Variants in HP1BP3 observed in about 807,000 individuals in gnomAD.
HP1BP3 encodes heterochromatin protein 1-binding protein 3.
A neutral mutation model predicts 62.5 loss-of-function variants in HP1BP3; 12 were observed. The ratio of observed to expected loss-of-function variants is 0.19; its 90% CI spans 0.12 to 0.31. HP1BP3 has a LOEUF of 0.31. HP1BP3 is among the 10% of genes least tolerant of loss of function. The pLI, the probability that HP1BP3 is intolerant of heterozygous loss-of-function variation, is 1.00. For synonymous variants in HP1BP3, 260 were observed against 237.8 expected, an observed-to-expected ratio of 1.09 and a Z score of -0.86; for missense variants, 502 against 651.8, an observed-to-expected ratio of 0.77 and a Z score of 2.50.
At chr1:20,762,458 T>C (rs910668106) in intron 8 of HP1BP3, among the ~76,000 whole-genome samples, 3 of 151,902 alleles carry the variant, frequency 2.0e-5, no homozygotes, top group African/African-American at 7.3e-5. Context: ...AAGCAGAGAA[T>C]AAAGGCTGTG....
chr1:20,770,252 T>C (rs1440305357), intron 6 of HP1BP3, among the ~76,000 whole-genome samples: 2 of 152,180 alleles, frequency 1.3e-5, no homozygotes, highest in African/African-American at 4.8e-5. Flanking sequence ...TAAAAATTAA[T>C]AGTAACAAGT....
chr1:20,773,265 A>G, intron 5 of HP1BP3, among the ~76,000 whole-genome samples, 186 bp downstream of exon 5: 1 of 151,924 alleles, frequency 6.6e-6, no homozygotes. Flanking sequence ...TTTTAAAAAA[A>G]TTAACAGTGT....
rs1256901305 is a variant in HP1BP3 at position 20,740,310 on chromosome 1, A to G, written c.*4487T>C. Among the ~76,000 whole-genome samples the G allele has an allele frequency of 6.6e-6, 1 of 152,178 alleles. No individual in the cohort carries two copies. The highest frequency in any genetic ancestry group is 1.5e-5 in the Non-Finnish European group (1 of 68,034). ...GATTTAATAGTGAACAGTGTTAATTATACATTATATACAATATCAGGAAAA... is the reference window on the plus strand; with the variant it reads ...GATTTAATAGTGAACAGTGTTAATTGTACATTATATACAATATCAGGAAAA... On this transcript the variant is annotated 3_prime_UTR_variant, in exon 13 of 13. Coordinates refer to ENST00000438032, the MANE Select transcript of HP1BP3 (RefSeq NM_001372052.1).
chr1:20,764,505 A>G (rs931261105), intron 8 of HP1BP3, among the ~76,000 whole-genome samples: 1 of 151,170 alleles, frequency 6.6e-6, no homozygotes, highest in African/African-American at 2.4e-5. Context: ...CACCACAGCC[A>G]GCCTAGTTTT....
Position 20,783,374 on chromosome 1 carries a change from C to T in HP1BP3, c.-100-2834G>A, listed in dbSNP as rs557801630. Reference sequence around the variant, plus strand: ...TCTCTACTAAAAACACAAAAGTTAGCCAGGCGCTGTGGTGTACACCTGTAG... The same window carrying T: ...TCTCTACTAAAAACACAAAAGTTAGTCAGGCGCTGTGGTGTACACCTGTAG... On this transcript the variant is annotated intron_variant, in intron 1 of 12. Transcript: ENST00000438032. Among the ~76,000 whole-genome samples, 5 of 151,982 alleles carry T rather than the reference C, an allele frequency of 3.3e-5. No individual in the cohort carries two copies. The South Asian group carries it at 1.0e-3, about 32-fold the overall frequency.
intron 8 of HP1BP3, among the ~76,000 whole-genome samples, chr1:20,758,152 A>T (rs1174243654): frequency 6.6e-6 from 1 of 152,178 alleles, no homozygotes; most frequent in Non-Finnish European, 1.5e-5. Context: ...TCTCAAAAAT[A>T]AAAAATAAAA....
chr1:20,785,718 C>T (rs905118949), intron 1 of HP1BP3, among the ~76,000 whole-genome samples: 6 of 152,212 alleles, frequency 3.9e-5, no homozygotes, highest in African/African-American at 1.2e-4. Flanking sequence ...CCACTAACTT[C>T]CAGCCCTACA....
At chr1:20,748,691 G>A (rs1199253041) in intron 10 of HP1BP3, among the ~76,000 whole-genome samples, 1 of 152,090 alleles carries the variant, frequency 6.6e-6, no homozygotes, top group Admixed American at 6.6e-5. Context: ...ACCCAGGGGA[G>A]GCGGAGCTTG....
chr1:20,752,488 C>T (rs1233779734), intron 9 of HP1BP3, among the ~76,000 whole-genome samples: 1 of 151,864 alleles, frequency 6.6e-6, no homozygotes, highest in Non-Finnish European at 1.5e-5. Context: ...GATGGGGTTT[C>T]ACCATGTTGG....
intron 9 of HP1BP3, 63 bp downstream of exon 9, chr1:20,757,103 G>A: frequency 1.0e-6 from 1 of 961,260 alleles, no homozygotes; most frequent in Non-Finnish European, 1.7e-6. Context: ...TACAGTATAA[G>A]GAGGTCCTGA....
chr1:20,745,014 T>G lies in HP1BP3; in HGVS notation c.1445A>C (p.Lys482Thr). ...VKQRGSKPAP[K>T]VSAAQRGKAR... ...TTTCCCCCGCTGGGCAGCTGAGACT[T>G]TAGGTGCAGGTTTGGACCCTCTCTG... Residue 482 changes from lysine (K) to threonine (T), a missense_variant, in exon 13 of 13, where the codon AAA becomes ACA. Lys to Thr is a moderately conservative substitution (Grantham distance 78). Coordinates refer to ENST00000438032, the MANE Select transcript of HP1BP3 (RefSeq NM_001372052.1). 1.2e-6 allele frequency: 2 copies of G among 1,614,158 alleles called. No individual in the cohort carries two copies. Among genetic ancestry groups the G allele is most frequent in the African/African-American group, 2.7e-5 (2 of 75,052 alleles).
chr1:20,747,093 T>A (rs969144368), intron 11 of HP1BP3, among the ~76,000 whole-genome samples: 1 of 152,174 alleles, frequency 6.6e-6, no homozygotes, highest in Non-Finnish European at 1.5e-5. Context: ...GGAATGAACA[T>A]CAAAATGACC....
Position 20,740,432 on chromosome 1 carries a change from C to G in HP1BP3, c.*4365G>C, listed in dbSNP as rs1476239023. On this transcript the variant is annotated 3_prime_UTR_variant, in exon 13 of 13. Transcript: ENST00000438032. ...AAGACAGAATTAAGAACAGTTAAAA[C>G]AGTTAAAAAGCTGATAAAATTAAAT... Among the ~76,000 whole-genome samples, 1 of 152,118 alleles carries G rather than the reference C, an allele frequency of 6.6e-6. No individual in the cohort carries two copies. Among genetic ancestry groups the G allele is most frequent in the Non-Finnish European group, 1.5e-5 (1 of 68,016 alleles).
At chr1:20,748,851 C>A (rs1343832607) in intron 10 of HP1BP3, among the ~76,000 whole-genome samples, 1 of 152,186 alleles carries the variant, frequency 6.6e-6, no homozygotes, top group East Asian at 1.9e-4. Flanking sequence ...CCATATCCCT[C>A]ACCCTACAAC....
At chr1:20,776,894 T>C (rs76853579) in intron 3 of HP1BP3, 144 bp from the exon 4 acceptor site, 8,163 of 623,210 alleles carry the variant, frequency 0.013, 79 homozygotes, top group East Asian at 0.018. Context: ...TGACCACTAA[T>C]GCAGTTTTCT....
Position 20,747,554 on chromosome 1 carries a change from A to G in HP1BP3, c.1243T>C (p.Tyr415His). Residue 415 changes from tyrosine (Y) to histidine (H), a missense_variant, in exon 11 of 13, where the codon TAT becomes CAT. Physicochemically the swap from Tyr to His is moderately conservative, Grantham distance 83. Transcript: ENST00000438032. ...FSGTFQLCFPYYPSPGVLFPK... is the reference protein window; with the variant it reads ...FSGTFQLCFPHYPSPGVLFPK... The stretch of plus-strand genomic sequence containing the variant: ...AGGCTAAGTACTTACCTGGGATAAT[A>G]GGGAAAACAGAGCTGGAAGGTGCCA... 1 of 1,600,388 alleles carries G rather than the reference A, an allele frequency of 6.2e-7. No individual in the cohort carries two copies. Among genetic ancestry groups the G allele is most frequent in the Non-Finnish European group, 8.6e-7 (1 of 1,168,220 alleles).
chr1:20,774,559 A>G (rs926856781), intron 4 of HP1BP3: 3 of 152,236 alleles, frequency 2.0e-5, no homozygotes, highest in African/African-American at 7.2e-5. Flanking sequence ...CCTTAAGATT[A>G]TAATGGAACT....
chr1:20,759,634 C>T (rs12145203), intron 8 of HP1BP3, among the ~76,000 whole-genome samples: 51,613 of 152,044 alleles, frequency 0.34, 9,336 homozygotes, highest in Non-Finnish European at 0.4. Flanking sequence ...GTGAGAAATA[C>T]ATTTCTCTTG....
rs1286650893 is a variant in HP1BP3, at chr1:20,746,186, A to ATATGTGTGTGTGTG, written c.1254-531_1254-530insCACACACACACATA. ...CTTAAATGATAACATACATACATAT[A>ATATGTGTGTGTGTG]TGTGTGTGTGTGTGTGTGTGTGTGT... is the stretch of plus-strand genomic sequence containing the variant. On this transcript the variant is annotated intron_variant, in intron 11 of 12. Coordinates refer to ENST00000438032, the MANE Select transcript of HP1BP3 (RefSeq NM_001372052.1). Among the ~76,000 whole-genome samples, 923 of 143,206 alleles carry ATATGTGTGTGTGTG rather than the reference A, an allele frequency of 6.4e-3. 12 individuals carry two copies. Among genetic ancestry groups the ATATGTGTGTGTGTG allele is most frequent in the African/African-American group, 0.02 (726 of 37,116 alleles). The allele number at this position is 143,206 out of a possible 152,430, so 93.9% of individuals were successfully genotyped here.
Sources: gnomAD v4.1 joint callset for allele counts (sites outside exome capture counted in the v4.1 genomes callset) on GRCh38, gnomAD v4.1.1 for gene constraint, MANE v1.5 for transcripts, NCBI Gene and HGNC (gene_info 2026-07-23, HGNC 2026-07-21) for gene names.